The following MMP2 variants were observed in gnomAD, a reference collection of about 807,000 sequenced individuals.
MMP2 encodes the protein 72 kDa type IV collagenase.
MMP2 carries 39 observed loss-of-function variants against 74.8 expected under a neutral mutation model. That is an observed-to-expected ratio of 0.52 (90% CI 0.40 to 0.68). MMP2 has a LOEUF of 0.68. Ranked by LOEUF, MMP2 falls within the 30% of genes least tolerant of loss-of-function variation. The pLI, the probability that MMP2 is intolerant of heterozygous loss-of-function variation, is 0.00. For synonymous variants in MMP2, 367 were observed against 339.8 expected (o/e 1.08, Z -0.88); for missense variants, 803 against 878.3 (o/e 0.91, Z 1.08).
At chr16:55,489,286 G>A (rs2142354837) in intron 6 of MMP2, among the ~76,000 whole-genome samples, 1 of 152,314 alleles carries the variant, frequency 6.6e-6, no homozygotes. Flanking sequence ...GGCATGTGCT[G>A]GTGCCATCAG....
chr16:55,491,744 C>T, intron 7 of MMP2, 57 bp from the exon 8 acceptor site: 1 of 1,581,890 alleles, frequency 6.3e-7, no homozygotes, highest in Non-Finnish European at 8.7e-7. Context: ...CAGGTCTTGA[C>T]TTCTCTCTCA....
intron 7 of MMP2, among the ~76,000 whole-genome samples, chr16:55,490,060 T>G (rs1463219463): frequency 6.6e-6 from 1 of 152,056 alleles, no homozygotes; most frequent in Non-Finnish European, 1.5e-5. Context: ...CAGACCCTGG[T>G]AGACCAGATG....
chr16:55,504,955 G>C (rs563304895), intron 12 of MMP2, among the ~76,000 whole-genome samples: 3 of 124,312 alleles, frequency 2.4e-5, no homozygotes, highest in African/African-American at 8.7e-5. Context: ...CCCCGCCACA[G>C]TTGAGTTTTT....
At chr16:55,497,195 G>T in intron 10 of MMP2, 133 bp downstream of exon 10, 2 of 1,217,902 alleles carry the variant, frequency 1.6e-6, no homozygotes, top group South Asian at 1.2e-5. Context: ...TTCCTTTATG[G>T]ATTCATTCTT....
Position 55,505,533 on chromosome 16 carries a change from GC to G in MMP2, c.*93del. ...GAGAAGGACCCGGAGGGGCCTGGCA[GC>G]CGTGCCTTCAGCTCTACAGCTAATC... is the stretch of plus-strand genomic sequence containing the variant. On this transcript the variant is annotated 3_prime_UTR_variant, in exon 13 of 13. Coordinates refer to ENST00000219070, the MANE Select transcript of MMP2 (RefSeq NM_004530.6). 9.1e-7 allele frequency: 1 copy of G among 1,095,000 alleles called. No homozygotes were observed. The highest frequency in any genetic ancestry group is 1.2e-5 in the South Asian group (1 of 80,302). 67.8% of individuals were successfully genotyped at this position (1,095,000 alleles called of 1,614,324 possible).
At chr16:55,497,422 G>A (rs1278869083) in intron 10 of MMP2, among the ~76,000 whole-genome samples, 3 of 152,128 alleles carry the variant, frequency 2.0e-5, no homozygotes, top group East Asian at 1.9e-4. Context: ...GTTTTAGTTC[G>A]AATGTTTTAA....
chr16:55,501,564 A>C (rs1441038675), intron 11 of MMP2, among the ~76,000 whole-genome samples: 3 of 152,208 alleles, frequency 2.0e-5, no homozygotes, highest in African/African-American at 7.2e-5. Flanking sequence ...TTGGTGACCC[A>C]GGGCATGAGG....
chr16:55,497,728 T>C (rs17859979), intron 10 of MMP2, among the ~76,000 whole-genome samples: 5 of 152,350 alleles, frequency 3.3e-5, no homozygotes, highest in East Asian at 1.9e-4. Context: ...AGCATTTCCA[T>C]GCGCTGGGCT....
chr16:55,505,214 C>A, intron 12 of MMP2, 125 bp from the exon 13 acceptor site: 2 of 880,234 alleles, frequency 2.3e-6, no homozygotes, highest in Non-Finnish European at 3.9e-6. Flanking sequence ...CTCAGCCTTT[C>A]AAAGCTCTCT....
chr16:55,488,494 C>G, intron 5 of MMP2, 49 bp from the exon 6 acceptor site: 1 of 1,586,294 alleles, frequency 6.3e-7, no homozygotes, highest in Non-Finnish European at 8.6e-7. Context: ...GCCCTGTGCC[C>G]ATGGAAGCAT....
intron 8 of MMP2, among the ~76,000 whole-genome samples, chr16:55,492,570 T>C (rs1962437589): frequency 6.6e-6 from 1 of 151,880 alleles, no homozygotes; most frequent in Admixed American, 6.6e-5. Flanking sequence ...GCCAAAATAG[T>C]GAAAGTGGTG....
At chr16:55,483,287 T>C (rs1170025033) in intron 2 of MMP2, 152 bp downstream of exon 2, 22 of 648,780 alleles carry the variant, frequency 3.4e-5, no homozygotes, top group Non-Finnish European at 1.4e-5. Context: ...TCTTAGAAAA[T>C]GAAGTCAGAC....
rs11541998 is a variant in MMP2, at chr16:55,502,851, C to T, written c.1842C>T (p.Pro614=). The part of the protein sequence containing the change: ...KLIADAWNAI[P]DNLDAVVDLQ... ...TCGCAGATGCCTGGAATGCCATCCC[C>T]GATAACCTGGATGCCGTCGTGGACC... Residue 614 remains proline (P), a synonymous_variant, in exon 12 of 13, where the codon CCC becomes CCT. Transcript: ENST00000219070. 4.3e-5 allele frequency: 70 copies of T among 1,613,982 alleles called. No homozygotes were observed. In the South Asian group the frequency reaches 4.6e-4, roughly 11 times the overall value.
At position 55,493,689 on chromosome 16, in the gene MMP2, A is replaced by G. The variant is rs72810788; in HGVS notation, c.1472+396A>G. 4.0e-3 allele frequency among the ~76,000 whole-genome samples: 602 copies of G among 152,324 alleles called. 2 individuals carry two copies. Among genetic ancestry groups the G allele is most frequent in the Non-Finnish European group, 7.0e-3 (479 of 68,028 alleles). On this transcript the variant is annotated intron_variant, in intron 9 of 12. Coordinates refer to ENST00000219070, the MANE Select transcript of MMP2 (RefSeq NM_004530.6). ...TATTCCACTGCCTGAAATAAGTCACATGGCCAATCCCAAGACCTACCCTAG... is the reference window on the plus strand; with the variant it reads ...TATTCCACTGCCTGAAATAAGTCACGTGGCCAATCCCAAGACCTACCCTAG...
At chr16:55,501,304 A>G (rs1420929078) in intron 11 of MMP2, among the ~76,000 whole-genome samples, 6 of 152,202 alleles carry the variant, frequency 3.9e-5, no homozygotes, top group African/African-American at 1.4e-4. Flanking sequence ...CAGTGCTTGT[A>G]TTCTTTCTGG....
intron 1 of MMP2, chr16:55,481,859 A>G: frequency 1.3e-6 from 1 of 765,606 alleles, no homozygotes; most frequent in Non-Finnish European, 2.4e-6. Flanking sequence ...AGGTAATCTT[A>G]GGTGCTTACC....
chr16:55,492,101 C>G, intron 8 of MMP2, 145 bp downstream of exon 8: 1 of 775,480 alleles, frequency 1.3e-6, no homozygotes, highest in South Asian at 1.7e-5. Context: ...GAGTGTTGAC[C>G]TGGTCTTGGG....
chr16:55,480,086 G>A, intron 1 of MMP2: 1 of 164,346 alleles, frequency 6.1e-6, no homozygotes, highest in Non-Finnish European at 1.3e-5. Context: ...TACAGGGGTC[G>A]TTTTTGCTAA....
rs147693973 is a variant in MMP2 at position 55,504,547 on chromosome 16, A to G, written c.1880-792A>G. Among the ~76,000 whole-genome samples, 15 of 151,628 alleles carry G rather than the reference A, an allele frequency of 9.9e-5. No homozygotes were observed. The East Asian group carries it at 2.9e-3, about 29-fold the overall frequency. On this transcript the variant is annotated intron_variant, in intron 12 of 12. Coordinates refer to ENST00000219070, the MANE Select transcript of MMP2 (RefSeq NM_004530.6). ...GAATAAAAGAGCTTATTTCACAGCC[A>G]TTTCCCTTCTTCCACTCCCAGAGGG...
Sources: gnomAD v4.1 joint callset for allele counts (sites outside exome capture counted in the v4.1 genomes callset) on GRCh38, gnomAD v4.1.1 for gene constraint, MANE v1.5 for transcripts, NCBI Gene and HGNC (gene_info 2026-07-23, HGNC 2026-07-21) for gene names.